CCSER1: variants seen among roughly 807,000 people sequenced by gnomAD.
The protein encoded by CCSER1 is serine-rich coiled-coil domain-containing protein 1.
CCSER1 carries 41 observed loss-of-function variants against 82.0 expected under a neutral mutation model. The ratio of observed to expected loss-of-function variants is 0.50; its 90% CI spans 0.39 to 0.65. CCSER1 has a LOEUF of 0.65. Among genes scored for constraint, CCSER1 ranks in the 30% least tolerant of loss-of-function variants. The pLI is 0.00. For synonymous variants in CCSER1, 414 were observed against 383.9 expected (o/e 1.08, Z -0.92); for missense variants, 1,119 against 1,064.2 (o/e 1.05, Z -0.72).
chr4:91,290,107 C>A (rs2149217421), intron 10 of CCSER1, among the ~76,000 whole-genome samples: 2 of 152,014 alleles, frequency 1.3e-5, no homozygotes, highest in South Asian at 4.1e-4. Flanking sequence ...AGCTACAAAA[C>A]ATTCTATAGT....
In CCSER1 at chr4:90,385,579, C is replaced by T. The variant is rs576698593; in HGVS notation, c.1510-14457C>T. Among the ~76,000 whole-genome samples the T allele has an allele frequency of 4.0e-5, 6 of 151,328 alleles. No homozygotes were observed. In the South Asian group the frequency reaches 1.1e-3, roughly 27 times the overall value. On this transcript the variant is annotated intron_variant, in intron 3 of 10. Transcript: ENST00000509176. ...GGTTCATGCCATTCTCCTGCCTCAG[C>T]CTCCCGAGTAGCTAGGACTACAGGC...
At chr4:91,310,415 T>A (rs1045748215) in intron 10 of CCSER1, among the ~76,000 whole-genome samples, 17 of 126,360 alleles carry the variant, frequency 1.3e-4, no homozygotes, top group African/African-American at 4.5e-4. Context: ...AAAAAAAAAA[T>A]CTCATAATGT....
chr4:90,653,285 A>G (rs1729117789), intron 6 of CCSER1, among the ~76,000 whole-genome samples: 1 of 152,162 alleles, frequency 6.6e-6, no homozygotes, highest in Admixed American at 6.6e-5. Flanking sequence ...AGTGTATTTT[A>G]TATGTTTGCA....
At chr4:91,382,310 G>T (rs966446101) in intron 10 of CCSER1, among the ~76,000 whole-genome samples, 1 of 152,292 alleles carries the variant, frequency 6.6e-6, no homozygotes, top group East Asian at 1.9e-4. Context: ...CATGGGTAGA[G>T]TCTACAGAGG....
chr4:90,490,330 G>T (rs574883910), intron 5 of CCSER1, among the ~76,000 whole-genome samples: 4 of 152,266 alleles, frequency 2.6e-5, no homozygotes, highest in South Asian at 2.1e-4. Flanking sequence ...CTTTTAAGAA[G>T]TGTCTGTTCA....
intron 8 of CCSER1, among the ~76,000 whole-genome samples, chr4:90,841,696 C>T (rs1445150955): frequency 6.6e-6 from 1 of 151,776 alleles, no homozygotes; most frequent in Non-Finnish European, 1.5e-5. Context: ...TTCTTCTTTA[C>T]CTGTGCTTCT....
intron 5 of CCSER1, among the ~76,000 whole-genome samples, chr4:90,478,959 T>G (rs554116338): frequency 6.6e-6 from 1 of 152,154 alleles, no homozygotes; most frequent in East Asian, 1.9e-4. Context: ...CAGGCTGGTC[T>G]TGAACTCCTG....
intron 7 of CCSER1, among the ~76,000 whole-genome samples, chr4:90,795,347 A>C (rs1380299288): frequency 6.6e-6 from 1 of 151,528 alleles, no homozygotes; most frequent in African/African-American, 2.4e-5. Context: ...TTGATTTTGC[A>C]TCCTGAGACT....
chr4:90,954,421 A>G (rs946376206), intron 9 of CCSER1, among the ~76,000 whole-genome samples: 6 of 152,040 alleles, frequency 3.9e-5, no homozygotes, highest in Admixed American at 3.9e-4. Flanking sequence ...GTTTATATTT[A>G]AATTACAGTT....
intron 10 of CCSER1, among the ~76,000 whole-genome samples, chr4:91,203,602 T>A (rs539744639): frequency 6.3e-4 from 95 of 151,842 alleles, no homozygotes; most frequent in Admixed American, 2.4e-3. Context: ...CACACATGTA[T>A]ACACACAGGA....
At chr4:91,159,905 T>A (rs1171206612) in intron 10 of CCSER1, among the ~76,000 whole-genome samples, 1 of 151,978 alleles carries the variant, frequency 6.6e-6, no homozygotes, top group Non-Finnish European at 1.5e-5. Context: ...AAGCTAACTT[T>A]TTTTTATTAT....
intron 9 of CCSER1, among the ~76,000 whole-genome samples, chr4:90,948,140 C>T (rs1452246313): frequency 1.3e-4 from 19 of 151,134 alleles, no homozygotes; most frequent in Admixed American, 1.2e-3. Context: ...TTTTTTTTTC[C>T]AGTCTGTAAT....
chr4:90,714,977 G>C (rs889745311), intron 6 of CCSER1, among the ~76,000 whole-genome samples: 3 of 151,810 alleles, frequency 2.0e-5, no homozygotes, highest in African/African-American at 7.2e-5. Context: ...GTTCAAATGA[G>C]AAAGTGCCCT....
intron 10 of CCSER1, among the ~76,000 whole-genome samples, chr4:91,158,318 A>G (rs756717066): frequency 3.3e-5 from 5 of 151,996 alleles, no homozygotes; most frequent in Non-Finnish European, 5.9e-5. Context: ...TCTTGTTGGC[A>G]TGGAGTGCCC....
At chr4:90,366,066 G>T (rs922840559) in intron 3 of CCSER1, among the ~76,000 whole-genome samples, 2 of 151,798 alleles carry the variant, frequency 1.3e-5, no homozygotes, top group Admixed American at 1.3e-4. Context: ...ATCAAAGTAT[G>T]ATTGAAACCT....
chr4:91,603,196 C>T lies in CCSER1; in HGVS notation c.*4139C>T, dbSNP rs1466779375. ...ACACTGTAGTATAAAAGCAAACAGT[C>T]AACTAAGCAACCAAACAAAACAGCT... On this transcript the variant is annotated 3_prime_UTR_variant, in exon 11 of 11. Coordinates refer to ENST00000509176, the MANE Select transcript of CCSER1 (RefSeq NM_001145065.2). 3 of 152,074 alleles carry T rather than the reference C, an allele frequency of 2.0e-5. No homozygotes were observed. Among genetic ancestry groups the T allele is most frequent in the African/African-American group, 7.2e-5 (3 of 41,448 alleles). 9.4% of individuals were successfully genotyped at this position (152,074 alleles called of 1,614,324 possible).
chr4:90,945,774 A>T (rs1029517036), intron 9 of CCSER1, among the ~76,000 whole-genome samples: 2 of 152,232 alleles, frequency 1.3e-5, no homozygotes, highest in Non-Finnish European at 2.9e-5. Context: ...TCCAGGCATC[A>T]TTGAACTCTA....
intron 10 of CCSER1, among the ~76,000 whole-genome samples, chr4:91,207,432 C>T (rs1444651787): frequency 1.3e-5 from 2 of 151,760 alleles, no homozygotes; most frequent in African/African-American, 2.4e-5. Context: ...TCTTTCTGTC[C>T]ATGTGTTTTC....
chr4:91,471,265 C>A (rs1324644036), intron 10 of CCSER1, among the ~76,000 whole-genome samples: 1 of 152,096 alleles, frequency 6.6e-6, no homozygotes, highest in Non-Finnish European at 1.5e-5. Context: ...GATAAGAACA[C>A]TATGGAGAAA....
Sources: allele counts gnomAD v4.1 joint callset (sites outside exome capture counted in the v4.1 genomes callset), GRCh38; gene constraint gnomAD v4.1.1; transcripts MANE v1.5; gene names NCBI Gene and HGNC (gene_info 2026-07-23, HGNC 2026-07-21).